Variants in LAMTOR3 observed in about 807,000 individuals in gnomAD.
The protein encoded by LAMTOR3 is late endosomal/lysosomal adaptor, MAPK and MTOR activator 3.
LAMTOR3 carries 14 observed loss-of-function variants against 20.3 expected under a neutral mutation model. The observed-to-expected ratio is 0.69, with a 90% CI of 0.46 to 1.08. The LOEUF (loss-of-function observed/expected upper bound fraction) is 1.08. LAMTOR3 is among the 50% of genes least tolerant of loss of function. The pLI is 0.00. For synonymous variants in LAMTOR3, 40 were observed against 49.4 expected, an observed-to-expected ratio of 0.81 and a Z score of 0.80; for missense variants, 125 against 143.7, an observed-to-expected ratio of 0.87 and a Z score of 0.67.
rs1480671953 is a variant in LAMTOR3 at position 99,880,664 on chromosome 4, G to C, written c.*1330C>G. 1 of 152,120 alleles carries C rather than the reference G, an allele frequency of 6.6e-6. No homozygotes were observed. The highest frequency in any genetic ancestry group is 1.5e-5 in the Non-Finnish European group (1 of 68,072). The allele number at this position is 152,120 out of a possible 1,614,324, so 9.4% of individuals were successfully genotyped here. A position where few individuals can be genotyped will look rare whatever the true frequency, so the allele number is the denominator to read the frequency against. On this transcript the variant is annotated 3_prime_UTR_variant, in exon 7 of 7. Transcript: ENST00000499666. The stretch of plus-strand genomic sequence containing the variant: ...CCAATTGCCTCACTGCACAATTCTA[G>C]GGATAACAATCACACATATTCTATG...
At chr4:99,890,802 A>C (rs1165531092) in intron 3 of LAMTOR3, among the ~76,000 whole-genome samples, 1 of 152,212 alleles carries the variant, frequency 6.6e-6, no homozygotes, top group Non-Finnish European at 1.5e-5. Flanking sequence ...GCAAGCATTT[A>C]CTTTCCAACT....
chr4:99,889,076 T>C (rs1052975161), intron 3 of LAMTOR3, among the ~76,000 whole-genome samples: 4 of 151,960 alleles, frequency 2.6e-5, no homozygotes, highest in Non-Finnish European at 5.9e-5. Context: ...GTGGTGGTGC[T>C]TGTCTGTAAT....
chr4:99,886,869 T>C (rs933098689), intron 4 of LAMTOR3, among the ~76,000 whole-genome samples: 1 of 152,114 alleles, frequency 6.6e-6, no homozygotes. Flanking sequence ...TCCAAATACA[T>C]GGGTATTATC....
intron 2 of LAMTOR3, among the ~76,000 whole-genome samples, chr4:99,893,203 G>A (rs1234735451): frequency 2.6e-5 from 4 of 151,582 alleles, no homozygotes; most frequent in African/African-American, 9.7e-5. Context: ...TTTGTAGAAC[G>A]GGGTCTTGCT....
chr4:99,881,693 T>A lies in LAMTOR3; in HGVS notation c.*301A>T. 3.5e-6 allele frequency: 1 copy of A among 286,372 alleles called. No homozygotes were observed. The highest frequency in any genetic ancestry group is 6.5e-6 in the Non-Finnish European group (1 of 154,324). The allele number at this position is 286,372 out of a possible 1,614,324, so 17.7% of individuals were successfully genotyped here. A position where few individuals can be genotyped will look rare whatever the true frequency, so the allele number is the denominator to read the frequency against. ...GATCAATGTACCAGTTTGATTCTGA[T>A]CCACTGAATAGAATCTCTCATCCAT... On this transcript the variant is annotated 3_prime_UTR_variant, in exon 7 of 7. Transcript: ENST00000499666.
intron 3 of LAMTOR3, among the ~76,000 whole-genome samples, chr4:99,890,815 T>G (rs566771807): frequency 6.6e-6 from 1 of 152,316 alleles, no homozygotes; most frequent in East Asian, 1.9e-4. Context: ...TTCCAACTAT[T>G]TTTGATCAAC....
rs183888532 is a variant in LAMTOR3 at position 99,883,061 on chromosome 4, G to A, written c.302-994C>T. On this transcript the variant is annotated intron_variant, in intron 6 of 6. Transcript: ENST00000499666. ...ACATTATCATAGTATATAACAACTG[G>A]TGACTTAGTATGTGATGATAGGTGA... is the stretch of plus-strand genomic sequence containing the variant. 1.3e-3 allele frequency among the ~76,000 whole-genome samples: 200 copies of A among 152,096 alleles called. 1 individual carries two copies. The Middle Eastern group carries it at 0.014, about 10-fold the overall frequency.
intron 2 of LAMTOR3, among the ~76,000 whole-genome samples, chr4:99,892,355 AT>A (rs1725037633): frequency 6.6e-6 from 1 of 152,248 alleles, no homozygotes. Flanking sequence ...TAGCCATAAA[AT>A]TACATCATAA....
intron 3 of LAMTOR3, among the ~76,000 whole-genome samples, chr4:99,888,494 T>C (rs1023959901): frequency 2.6e-5 from 4 of 152,220 alleles, no homozygotes; most frequent in Non-Finnish European, 4.4e-5. Context: ...TCAACATTTA[T>C]GCAAAACCCT....
chr4:99,884,223 A>G, intron 5 of LAMTOR3, 98 bp from the exon 6 acceptor site: 1 of 874,232 alleles, frequency 1.1e-6, no homozygotes, highest in Non-Finnish European at 1.9e-6. Context: ...TAAAATCATC[A>G]ATGTTTTAGC....
chr4:99,882,671 C>T (rs747352229), intron 6 of LAMTOR3, among the ~76,000 whole-genome samples: 39 of 151,914 alleles, frequency 2.6e-4, no homozygotes, highest in South Asian at 6.2e-4. Flanking sequence ...ATACTTTTGT[C>T]TCTAAGCAAA....
chr4:99,892,680 A>T (rs977928038), intron 2 of LAMTOR3, among the ~76,000 whole-genome samples: 8 of 143,490 alleles, frequency 5.6e-5, no homozygotes, highest in South Asian at 4.4e-4. Context: ...GTGAGGCAAC[A>T]TTTTTTTTTT....
intron 3 of LAMTOR3, among the ~76,000 whole-genome samples, chr4:99,889,174 G>C (rs1386289802): frequency 6.6e-6 from 1 of 151,778 alleles, no homozygotes; most frequent in African/African-American, 2.4e-5. Context: ...CCCAGCCTGG[G>C]TGACAGAACG....
intron 3 of LAMTOR3, among the ~76,000 whole-genome samples, chr4:99,888,626 T>C (rs1724970186): frequency 6.6e-6 from 1 of 152,234 alleles, no homozygotes; most frequent in African/African-American, 2.4e-5. Context: ...GTGTTAACTT[T>C]AATGTATTAA....
intron 6 of LAMTOR3, 54 bp downstream of exon 6, chr4:99,884,008 A>G: frequency 7.9e-7 from 1 of 1,261,224 alleles, no homozygotes; most frequent in South Asian, 1.3e-5. Context: ...ATGGTAATTA[A>G]ATTAATTTTT....
intron 2 of LAMTOR3, 24 bp from the exon 3 acceptor site, chr4:99,892,058 ATGT>A (rs1204106289): frequency 5.8e-6 from 9 of 1,558,330 alleles, no homozygotes; most frequent in Non-Finnish European, 6.0e-6. Context: ...TTAAAAAATA[ATGT>A]TGTAATAATA....
intron 6 of LAMTOR3, among the ~76,000 whole-genome samples, chr4:99,883,075 G>A (rs1324153158): frequency 6.6e-6 from 1 of 151,974 alleles, no homozygotes. Context: ...CTTAGTATGT[G>A]ATGATAGGTG....
intron 2 of LAMTOR3, among the ~76,000 whole-genome samples, chr4:99,893,621 G>C (rs1028998251): frequency 1.3e-5 from 2 of 152,130 alleles, no homozygotes; most frequent in Non-Finnish European, 2.9e-5. Context: ...AATTCTGACA[G>C]GAAAAGCAGC....
rs1369564559 is a variant in LAMTOR3, at chr4:99,885,683, A to C, written c.104-8T>G. On this transcript the variant is annotated splice_region_variant and splice_polypyrimidine_tract_variant and intron_variant, in intron 4 of 6. Transcript: ENST00000499666. ...GAGCATTGTCATTTGCCACTAGAAA[A>C]ATAAGTGATTTAAATAAAAATTATG... 6.2e-7 allele frequency: 1 copy of C among 1,608,644 alleles called. No homozygotes were observed. The highest frequency in any genetic ancestry group is 8.5e-7 in the Non-Finnish European group (1 of 1,177,574).
Sources: gnomAD v4.1 joint callset for allele counts (sites outside exome capture counted in the v4.1 genomes callset) on GRCh38, gnomAD v4.1.1 for gene constraint, MANE v1.5 for transcripts, NCBI Gene and HGNC (gene_info 2026-07-23, HGNC 2026-07-21) for gene names.